TG: variants seen among roughly 807,000 people sequenced by gnomAD.
TG encodes the protein thyroid hormones.
In TG, 270 loss-of-function variants were observed where a neutral mutation model predicts 324.7. The observed-to-expected ratio is 0.83, with a 90% CI of 0.75 to 0.92. The LOEUF (loss-of-function observed/expected upper bound fraction) is 0.92, where lower values mean the gene tolerates loss of function less well. Among genes scored for constraint, TG ranks in the 40% least tolerant of loss-of-function variants. TG has a pLI of 0.00. For synonymous variants in TG, 1,401 were observed against 1,327.0 expected (o/e 1.06, Z -1.21); for missense variants, 3,591 against 3,456.4 (o/e 1.04, Z -0.98).
intron 41 of TG, among the ~76,000 whole-genome samples, chr8:133,080,094 ACTCTCCC>A (rs1316602299): frequency 7.9e-5 from 12 of 151,888 alleles, no homozygotes; most frequent in Non-Finnish European, 1.8e-4. Flanking sequence ...AGTAAGAGGA[ACTCTCCC>A]CTTAGAAAGG....
intron 16 of TG, among the ~76,000 whole-genome samples, chr8:132,904,170 C>T (rs1268248334): frequency 1.9e-4 from 29 of 152,156 alleles, no homozygotes; most frequent in Admixed American, 1.9e-3. Flanking sequence ...GATAACAGTC[C>T]AGCCCCACAG....
At chr8:133,053,823 G>T (rs1840866609) in intron 41 of TG, among the ~76,000 whole-genome samples, 1 of 151,546 alleles carries the variant, frequency 6.6e-6, no homozygotes, top group South Asian at 2.1e-4. Context: ...TAAGTTTCCT[G>T]TGGAATTTCC....
chr8:133,076,416 A>C (rs560797169), intron 41 of TG, among the ~76,000 whole-genome samples: 1 of 152,352 alleles, frequency 6.6e-6, no homozygotes, highest in South Asian at 2.1e-4. Context: ...GGCACTCTGC[A>C]CTAGAGAGAT....
intron 41 of TG, among the ~76,000 whole-genome samples, chr8:133,036,140 T>A (rs1425609693): frequency 4.6e-5 from 7 of 152,242 alleles, no homozygotes; most frequent in Non-Finnish European, 2.9e-5. Context: ...CAAGGCTGTT[T>A]GCTGCTCATC....
rs141899545 is a variant in TG, at chr8:132,881,967, C to T, written c.743C>T (p.Thr248Ile). 17 of 1,607,622 alleles carry T rather than the reference C, an allele frequency of 1.1e-5. No homozygotes were observed. In the African/African-American group the frequency reaches 2.0e-4, roughly 19 times the overall value. Residue 248 changes from threonine to isoleucine, a missense_variant and splice_region_variant, in exon 6 of 48, where the codon ACA (threonine) becomes ATA (isoleucine). Physicochemically the swap from Thr to Ile is moderately conservative, Grantham distance 89. Transcript: ENST00000220616. ...ADSQGRELAE[T>I]GLELLLDEIY... ...AGCCAAGGGCGGGAACTGGCTGAGA[C>T]AGGTGAGTGATACCCCTCAGGTGAT... is the stretch of plus-strand genomic sequence containing the variant.
At chr8:133,063,193 T>C (rs1414980954) in intron 41 of TG, among the ~76,000 whole-genome samples, 1 of 152,130 alleles carries the variant, frequency 6.6e-6, no homozygotes, top group South Asian at 2.1e-4. Flanking sequence ...TCATCAACTG[T>C]CATTCAACAC....
At chr8:133,021,167 G>A (rs545576492) in intron 39 of TG, among the ~76,000 whole-genome samples, 60 of 152,280 alleles carry the variant, frequency 3.9e-4, no homozygotes, top group African/African-American at 1.3e-3. Context: ...TGTCAAATGT[G>A]GATAATAAGA....
chr8:133,038,251 T>TTC lies in TG; in HGVS notation c.7239+8228_7239+8229insTC, dbSNP rs1189487671. The TTC allele has an allele frequency of 4.3e-5, 21 of 484,036 alleles. No individual in the cohort carries two copies. The Admixed American group carries it at 5.1e-4, about 12-fold the overall frequency. The allele number at this position is 484,036 out of a possible 1,614,324, so 30.0% of individuals were successfully genotyped here. A position where few individuals can be genotyped will look rare whatever the true frequency, so the allele number is the denominator to read the frequency against. ...TTGTCCTTCCCACACACACAATGTG[T>TTC]GCATACATACATGCTGGGCTCTTCC... On this transcript the variant is annotated intron_variant, in intron 41 of 47. Coordinates refer to ENST00000220616, the MANE Select transcript of TG (RefSeq NM_003235.5).
At chr8:133,092,196 A>G (rs2739177) in intron 41 of TG, among the ~76,000 whole-genome samples, 115,847 of 152,126 alleles carry the variant, frequency 0.76, 45,002 homozygotes, top group African/African-American at 0.89. Flanking sequence ...GTGTGTCTCC[A>G]TCTGTGGTTG....
In TG at chr8:133,096,373, G is replaced by A; in HGVS notation, c.7572G>A (p.Lys2524=). 2 of 1,614,202 alleles carry A rather than the reference G, an allele frequency of 1.2e-6. No individual in the cohort carries two copies. The highest frequency in any genetic ancestry group is 1.1e-5 in the South Asian group (1 of 91,088). The change falls in exon 43 of 48, where the codon AAG becomes AAA. Residue 2524 remains lysine, a splice_region_variant and synonymous_variant. Transcript: ENST00000220616. ...TCATCAACAGAGCAAAGGCTGTGAA[G>A]GTAAGCAGGGAGGGGGCCTCGGATG... ...DGLINRAKAV[K]QFEESRGRTS... is the part of the protein sequence containing the mutation.
At chr8:132,941,576 G>T (rs1327402147) in intron 26 of TG, 34 bp downstream of exon 26, 1 of 1,613,536 alleles carries the variant, frequency 6.2e-7, no homozygotes, top group Admixed American at 1.7e-5. Context: ...GGCCTAACAA[G>T]GGATGGGGAG....
chr8:132,939,958 G>A (rs755198397), intron 25 of TG, among the ~76,000 whole-genome samples: 2 of 152,134 alleles, frequency 1.3e-5, no homozygotes, highest in Non-Finnish European at 2.9e-5. Flanking sequence ...TTACAGGCAT[G>A]AGCCACCATG....
intron 33 of TG, 82 bp downstream of exon 33, chr8:132,971,955 A>G (rs1238727936): frequency 4.1e-6 from 4 of 979,186 alleles, no homozygotes; most frequent in Non-Finnish European, 6.6e-6. Context: ...GCTTTTACAA[A>G]TCCTCAGCAT....
intron 16 of TG, among the ~76,000 whole-genome samples, chr8:132,902,749 C>T (rs1259133581): frequency 1.3e-5 from 2 of 152,198 alleles, no homozygotes; most frequent in African/African-American, 4.8e-5. Context: ...GTGGTCTGCA[C>T]TGAGACCCAG....
intron 27 of TG, among the ~76,000 whole-genome samples, chr8:132,958,020 T>C (rs567810880): frequency 1.3e-5 from 2 of 152,276 alleles, no homozygotes; most frequent in Non-Finnish European, 2.9e-5. Context: ...CTCCCACATA[T>C]CAGTGAGAAC....
chr8:133,011,945 G>T lies in TG; in HGVS notation c.6307G>T (p.Val2103Phe), dbSNP rs754565889. 1.2e-6 allele frequency: 2 copies of T among 1,614,178 alleles called. No individual in the cohort carries two copies. Among genetic ancestry groups the T allele is most frequent in the Non-Finnish European group, 8.5e-7 (1 of 1,180,032 alleles). ...WQSLALSSVVVDPSIRHFDVA... is the reference protein window; with the variant it reads ...WQSLALSSVVFDPSIRHFDVA... ...GTCCCTGGCCCTCTCTTCAGTGGTT[G>T]TTGATCCATCCATTAGGCACTTTGA... Residue 2103 changes from valine to phenylalanine, a missense_variant, in exon 36 of 48, where the codon GTT becomes TTT. Physicochemically the swap from Val to Phe is conservative, Grantham distance 50. Coordinates refer to ENST00000220616, the MANE Select transcript of TG (RefSeq NM_003235.5).
chr8:132,993,334 C>T (rs1273139530), intron 35 of TG, among the ~76,000 whole-genome samples: 2 of 152,130 alleles, frequency 1.3e-5, no homozygotes, highest in African/African-American at 4.8e-5. Flanking sequence ...GTTTGGGCAG[C>T]CAAGTTTTGA....
rs1011129755 is a variant in TG at position 133,002,175 on chromosome 8, C to A, written c.6263-9726C>A. ...AAAAATGCTTGGAGGCACTTTCCGC[C>A]TGTTTTTCAAATGAGGGAGGCAATG... On this transcript the variant is annotated intron_variant, in intron 35 of 47. Transcript: ENST00000220616. 4.1e-6 allele frequency: 4 copies of A among 985,332 alleles called. No individual in the cohort carries two copies. In the South Asian group the frequency reaches 1.4e-4, roughly 35 times the overall value. The allele number at this position is 985,332 out of a possible 1,614,324, so 61.0% of individuals were successfully genotyped here.
At chr8:133,007,065 G>A (rs1834074683) in intron 35 of TG, among the ~76,000 whole-genome samples, 1 of 152,150 alleles carries the variant, frequency 6.6e-6, no homozygotes, top group Non-Finnish European at 1.5e-5. Context: ...GAGGTTGGCT[G>A]TCCGGTATTT....
Sources: gnomAD v4.1 joint callset for allele counts (sites outside exome capture counted in the v4.1 genomes callset) on GRCh38, gnomAD v4.1.1 for gene constraint, MANE v1.5 for transcripts, NCBI Gene and HGNC (gene_info 2026-07-23, HGNC 2026-07-21) for gene names.